The following WWOX variants were observed in gnomAD, a reference collection of about 807,000 sequenced individuals.
WWOX encodes WW domain containing oxidoreductase, also known as WW domain-containing oxidoreductase.
Under a neutral mutation model 46.2 loss-of-function variants are expected in WWOX, and 69 were observed. The ratio of observed to expected loss-of-function variants is 1.49; its 90% CI spans 1.23 to 1.82. The LOEUF (loss-of-function observed/expected upper bound fraction) is 1.82, where lower values mean the gene tolerates loss of function less well. Among genes scored for constraint, WWOX ranks in the 40% most tolerant of loss-of-function variants. The probability of loss-of-function intolerance (pLI) is 0.00; values close to 1 mark genes in which losing one functional copy is unlikely to be tolerated. For missense variants in WWOX, 919 were observed against 542.6 expected, an observed-to-expected ratio of 1.69 and a Z score of -6.89; for synonymous variants, 359 against 202.6, an observed-to-expected ratio of 1.77 and a Z score of -6.56.
At chr16:78,789,395 TA>T (rs2050538497) in intron 8 of WWOX, among the ~76,000 whole-genome samples, 1 of 152,208 alleles carries the variant, frequency 6.6e-6, no homozygotes, top group African/African-American at 2.4e-5. Context: ...AAGCATTGAT[TA>T]AAAAAGATAA....
At chr16:78,309,271 C>T (rs777090919) in intron 5 of WWOX, among the ~76,000 whole-genome samples, 11 of 152,220 alleles carry the variant, frequency 7.2e-5, no homozygotes, top group African/African-American at 1.2e-4. Flanking sequence ...GGTAGTTTCT[C>T]TGCGTTCATT....
At chr16:78,367,151 T>A (rs2081554134) in intron 5 of WWOX, among the ~76,000 whole-genome samples, 2 of 151,954 alleles carry the variant, frequency 1.3e-5, no homozygotes, top group Admixed American at 6.6e-5. Flanking sequence ...GGCTAATTTT[T>A]TATATTTTTA....
intron 5 of WWOX, among the ~76,000 whole-genome samples, chr16:78,210,087 C>T (rs1170459253): frequency 6.6e-6 from 1 of 152,000 alleles, no homozygotes; most frequent in Non-Finnish European, 1.5e-5. Flanking sequence ...GACGTGTGAG[C>T]TGAAGTTCCA....
intron 8 of WWOX, among the ~76,000 whole-genome samples, chr16:79,086,602 C>G (rs959308146): frequency 6.6e-6 from 1 of 152,144 alleles, no homozygotes; most frequent in Non-Finnish European, 1.5e-5. Flanking sequence ...GTGTCCTGGC[C>G]AGGTGCAGTG....
intron 8 of WWOX, among the ~76,000 whole-genome samples, chr16:78,557,557 T>G (rs1429026170): frequency 6.6e-6 from 1 of 152,170 alleles, no homozygotes; most frequent in Non-Finnish European, 1.5e-5. Context: ...TCTTTGAGTT[T>G]CCAAGAAGGG....
At chr16:78,491,309 A>T (rs779893285) in intron 8 of WWOX, among the ~76,000 whole-genome samples, 1 of 152,150 alleles carries the variant, frequency 6.6e-6, no homozygotes, top group Admixed American at 6.5e-5. Flanking sequence ...TTTCCCCTGG[A>T]TGAGACGCCC....
chr16:78,223,546 T>G, intron 5 of WWOX, among the ~76,000 whole-genome samples: 1 of 152,080 alleles, frequency 6.6e-6, no homozygotes. Flanking sequence ...ATAGGCACAT[T>G]GGACGGTGGA....
chr16:78,572,250 C>G (rs1482011652), intron 8 of WWOX, among the ~76,000 whole-genome samples: 1 of 152,084 alleles, frequency 6.6e-6, no homozygotes, highest in Non-Finnish European at 1.5e-5. Flanking sequence ...TGGGTGGATA[C>G]CAGAACGTGC....
intron 8 of WWOX, among the ~76,000 whole-genome samples, chr16:78,593,738 G>C (rs58293123): frequency 1.2e-4 from 2 of 16,902 alleles, no homozygotes; most frequent in East Asian, 8.8e-3. Context: ...AAAAAAAAAA[G>C]AGAGAGAGAG....
intron 8 of WWOX, among the ~76,000 whole-genome samples, chr16:78,807,601 C>G (rs1173316239): frequency 6.6e-6 from 1 of 152,190 alleles, no homozygotes; most frequent in Admixed American, 6.5e-5. Flanking sequence ...TGAAGCCAGT[C>G]AATTTCATCT....
intron 8 of WWOX, among the ~76,000 whole-genome samples, chr16:79,084,962 G>T (rs1038446462): frequency 3.9e-5 from 6 of 151,930 alleles, no homozygotes; most frequent in African/African-American, 1.5e-4. Context: ...ACAGTTGTCT[G>T]TCTCCCAGGC....
At chr16:78,698,364 C>T (rs774002541) in intron 8 of WWOX, among the ~76,000 whole-genome samples, 1 of 152,170 alleles carries the variant, frequency 6.6e-6, no homozygotes, top group Non-Finnish European at 1.5e-5. Flanking sequence ...ATCTTCCAGC[C>T]TTTGTGAGCA....
At chr16:78,869,495 C>G (rs1038649564) in intron 8 of WWOX, among the ~76,000 whole-genome samples, 1 of 152,212 alleles carries the variant, frequency 6.6e-6, no homozygotes, top group Non-Finnish European at 1.5e-5. Flanking sequence ...CATCCGGTAA[C>G]AATTTAGATG....
chr16:78,677,265 G>C (rs2550653), intron 8 of WWOX, among the ~76,000 whole-genome samples: 4 of 152,102 alleles, frequency 2.6e-5, no homozygotes, highest in Non-Finnish European at 5.9e-5. Context: ...CTGTTTGACA[G>C]GATTCTTGCA....
chr16:79,122,780 G>T (rs2049665969), intron 8 of WWOX, among the ~76,000 whole-genome samples: 3 of 152,166 alleles, frequency 2.0e-5, no homozygotes. Context: ...AGGAAAAAGG[G>T]CCAGAATACC....
At chr16:78,771,620 A>C (rs932568984) in intron 8 of WWOX, among the ~76,000 whole-genome samples, 3 of 152,044 alleles carry the variant, frequency 2.0e-5, no homozygotes, top group Admixed American at 2.0e-4. Flanking sequence ...AGAAATACAA[A>C]AATTGGGCGG....
Position 78,921,413 on chromosome 16 carries a change from G to A in WWOX, c.1057-290195G>A, listed in dbSNP as rs548825716. ...TGGGGAGTACAGTAAAATTAGGAGAGTAGATAGAATCCTGAAGCATTTGAG... is the reference window on the plus strand; with the variant it reads ...TGGGGAGTACAGTAAAATTAGGAGAATAGATAGAATCCTGAAGCATTTGAG... On this transcript the variant is annotated intron_variant, in intron 8 of 8. Coordinates refer to ENST00000566780, the MANE Select transcript of WWOX (RefSeq NM_016373.4). Among the ~76,000 whole-genome samples, 3 of 152,308 alleles carry A rather than the reference G, an allele frequency of 2.0e-5. No homozygotes were observed. In the South Asian group the frequency reaches 6.2e-4, roughly 32 times the overall value.
At chr16:79,149,004 T>C (rs544704279) in intron 8 of WWOX, among the ~76,000 whole-genome samples, 86 of 152,282 alleles carry the variant, frequency 5.6e-4, no homozygotes, top group Non-Finnish European at 9.6e-4. Context: ...TTTTATTTCT[T>C]CCTTTATAAT....
chr16:78,774,184 T>C (rs950680633), intron 8 of WWOX, among the ~76,000 whole-genome samples: 2 of 152,110 alleles, frequency 1.3e-5, no homozygotes, highest in Admixed American at 1.3e-4. Context: ...AGGCAGATCA[T>C]GAGGTCAGGA....
Sources: allele counts gnomAD v4.1 joint callset (sites outside exome capture counted in the v4.1 genomes callset), GRCh38; gene constraint gnomAD v4.1.1; transcripts MANE v1.5; gene names NCBI Gene and HGNC (gene_info 2026-07-23, HGNC 2026-07-21).